Variants in PCDHA1 observed in about 807,000 individuals in gnomAD.
The protein encoded by PCDHA1 is protocadherin alpha 1, also known as protocadherin alpha-1.
Under a neutral mutation model 61.3 loss-of-function variants are expected in PCDHA1, and 42 were observed. The ratio of observed to expected loss-of-function variants is 0.69; its 90% CI spans 0.54 to 0.89. The LOEUF is 0.89. Among genes scored for constraint, PCDHA1 ranks in the 40% least tolerant of loss-of-function variants. The pLI is 0.00. For missense variants in PCDHA1, 1,256 were observed against 1,235.3 expected, an observed-to-expected ratio of 1.02 and a Z score of -0.25; for synonymous variants, 610 against 553.8, an observed-to-expected ratio of 1.10 and a Z score of -1.43.
At chr5:140,822,648 A>C (rs1554128795) in intron 1 of PCDHA1, 2 of 1,609,920 alleles carry the variant, frequency 1.2e-6, no homozygotes, top group Non-Finnish European at 1.7e-6. Flanking sequence ...TAAAGTCCAA[A>C]TTTATAATTA....
At chr5:140,973,276 C>G (rs1416819589) in intron 1 of PCDHA1, among the ~76,000 whole-genome samples, 1 of 152,132 alleles carries the variant, frequency 6.6e-6, no homozygotes, top group African/African-American at 2.4e-5. Context: ...TTTATTTCCC[C>G]CAGCACTGAT....
At chr5:140,884,385 C>A (rs1554181508) in intron 1 of PCDHA1, 1 of 1,613,992 alleles carries the variant, frequency 6.2e-7, no homozygotes, top group Non-Finnish European at 8.5e-7. Context: ...GCCATCTGCG[C>A]GGTGTCCAGC....
At chr5:140,834,516 G>T (rs2150220231) in intron 1 of PCDHA1, 1 of 1,614,110 alleles carries the variant, frequency 6.2e-7, no homozygotes, top group Non-Finnish European at 8.5e-7. Context: ...TGGCAACTTC[G>T]TGGGCCGCAT....
chr5:140,847,939 G>A (rs2150405310), intron 1 of PCDHA1: 7 of 151,270 alleles, frequency 4.6e-5, no homozygotes, highest in African/African-American at 1.7e-4. Flanking sequence ...TGCAACTCCT[G>A]GATTTCTCTT....
intron 3 of PCDHA1, among the ~76,000 whole-genome samples, chr5:140,989,538 T>TAAA (rs2097347158): frequency 6.6e-6 from 1 of 152,180 alleles, no homozygotes; most frequent in Non-Finnish European, 1.5e-5. Flanking sequence ...GAAGATAGTT[T>TAAA]GTAATTCCTT....
intron 1 of PCDHA1, chr5:140,841,998 T>C (rs2150327142): frequency 6.2e-7 from 1 of 1,613,848 alleles, no homozygotes; most frequent in South Asian, 1.1e-5. Flanking sequence ...ACAGGCACTG[T>C]TCAGCTGCTG....
At position 140,849,621 on chromosome 5, in the gene PCDHA1, G is replaced by C. The variant is rs2150442688; in HGVS notation, c.2394+60937G>C. 15 of 1,598,666 alleles carry C rather than the reference G, an allele frequency of 9.4e-6. 1 individual carries two copies. The highest frequency in any genetic ancestry group is 1.7e-5 in the Admixed American group (1 of 59,290). ...AGTTATTGCCCTGATTAGTGTGATCGACCTAGACGCAGATGCCAACGGGCA... is the reference window on the plus strand; with the variant it reads ...AGTTATTGCCCTGATTAGTGTGATCCACCTAGACGCAGATGCCAACGGGCA... On this transcript the variant is annotated intron_variant, in intron 1 of 3. Coordinates refer to ENST00000504120, the MANE Select transcript of PCDHA1 (RefSeq NM_018900.4).
At chr5:140,958,998 C>T (rs868985322) in intron 1 of PCDHA1, among the ~76,000 whole-genome samples, 5 of 151,906 alleles carry the variant, frequency 3.3e-5, no homozygotes, top group South Asian at 2.1e-4. Flanking sequence ...TAATCTTTTA[C>T]TGTACCTAAT....
intron 1 of PCDHA1, among the ~76,000 whole-genome samples, chr5:140,947,543 G>T (rs1013985097): frequency 6.6e-5 from 10 of 151,548 alleles, no homozygotes; most frequent in Non-Finnish European, 1.2e-4. Flanking sequence ...TTTCTACAAA[G>T]AATTCCGCTG....
chr5:140,935,554 GA>G (rs2090429733), intron 1 of PCDHA1, among the ~76,000 whole-genome samples: 1 of 152,134 alleles, frequency 6.6e-6, no homozygotes, highest in Non-Finnish European at 1.5e-5. Flanking sequence ...AAGTATCTTG[GA>G]AAAGTTCCTC....
At chr5:140,836,224 T>A in intron 1 of PCDHA1, 1 of 1,613,758 alleles carries the variant, frequency 6.2e-7, no homozygotes, top group Non-Finnish European at 8.5e-7. Flanking sequence ...TTGCAACCGG[T>A]GGCGGCCGGT....
At chr5:140,857,761 C>T in intron 1 of PCDHA1, 1 of 1,597,214 alleles carries the variant, frequency 6.3e-7, no homozygotes. Flanking sequence ...CCGCTGGCAG[C>T]GCGGGCGGTG....
At chr5:140,843,025 T>G in intron 1 of PCDHA1, 1 of 1,595,056 alleles carries the variant, frequency 6.3e-7, no homozygotes. Context: ...TGCTGGAGCC[T>G]CGGGTGGGTG....
chr5:140,822,242 C>G, intron 1 of PCDHA1: 1 of 1,614,156 alleles, frequency 6.2e-7, no homozygotes, highest in Non-Finnish European at 8.5e-7. Context: ...CTAGAGGGCG[C>G]GTCGGATTTG....
intron 1 of PCDHA1, chr5:140,823,668 C>A (rs2150128127): frequency 6.2e-7 from 1 of 1,614,060 alleles, no homozygotes; most frequent in Non-Finnish European, 8.5e-7. Context: ...GCGAGATCAG[C>A]ACAACACGCT....
At chr5:141,002,468 C>G (rs369108082) in intron 3 of PCDHA1, among the ~76,000 whole-genome samples, 2 of 152,334 alleles carry the variant, frequency 1.3e-5, no homozygotes, top group Middle Eastern at 3.4e-3. Flanking sequence ...AACGCTTTAG[C>G]ATTTTCAAAG....
intron 1 of PCDHA1, chr5:140,852,775 T>G (rs1554146101): frequency 1.0e-6 from 1 of 980,592 alleles, no homozygotes; most frequent in African/African-American, 1.8e-5. Context: ...TTATTTGATG[T>G]GAATAGAGGG....
intron 1 of PCDHA1, chr5:140,875,742 C>T (rs782079077): frequency 3.1e-6 from 5 of 1,614,218 alleles, no homozygotes; most frequent in South Asian, 1.1e-5. Context: ...ATTCTCGGAT[C>T]GACCGCGAGA....
intron 1 of PCDHA1, among the ~76,000 whole-genome samples, chr5:140,955,559 A>G (rs1220948022): frequency 6.6e-6 from 1 of 152,164 alleles, no homozygotes; most frequent in African/African-American, 2.4e-5. Flanking sequence ...CTCCCCAGCC[A>G]TACTGAACTG....
Sources: gnomAD v4.1 joint callset for allele counts (sites outside exome capture counted in the v4.1 genomes callset) on GRCh38, gnomAD v4.1.1 for gene constraint, MANE v1.5 for transcripts, NCBI Gene and HGNC (gene_info 2026-07-23, HGNC 2026-07-21) for gene names.